Variants in SMARCA4 observed in about 807,000 individuals in gnomAD.
SMARCA4 encodes SWI/SNF related BAF chromatin remodeling complex subunit ATPase 4, also known as SWI/SNF-related matrix-associated actin-dependent regulator of chromatin subfamily A member 4.
A neutral mutation model predicts 193.9 loss-of-function variants in SMARCA4; 31 were observed. The observed-to-expected ratio is 0.16, with a 90% CI of 0.12 to 0.22. The LOEUF (loss-of-function observed/expected upper bound fraction) is 0.22. Ranked by LOEUF, SMARCA4 falls within the 10% of genes least tolerant of loss-of-function variation. The probability of loss-of-function intolerance (pLI) is 1.00; values close to 1 mark genes in which losing one functional copy is unlikely to be tolerated. For synonymous variants in SMARCA4, 942 were observed against 933.1 expected (o/e 1.01, Z -0.17); for missense variants, 1,148 against 2,296.0 (o/e 0.50, Z 10.22).
intron 1 of SMARCA4, among the ~76,000 whole-genome samples, chr19:10,982,530 T>C (rs144688466): frequency 0.039 from 5,901 of 151,760 alleles, 165 homozygotes; most frequent in African/African-American, 0.049. Context: ...GACGGAGTCT[T>C]GCTCTGTCGC....
In SMARCA4 at chr19:10,994,834, C is replaced by T. The variant is rs1600067548; in HGVS notation, c.1426C>T (p.Leu476Phe). ...RKRRQKHQEY[L>F]NSILQHAKDF... ...CTTTTGTGCTTTCCTGCAGGAATAC[C>T]TCAATAGCATTCTCCAGCATGCCAA... Residue 476 changes from leucine to phenylalanine, a missense_variant, in exon 9 of 35, where the codon CTC (leucine) becomes TTC (phenylalanine). Transcript: ENST00000344626. 6.2e-7 allele frequency: 1 copy of T among 1,613,876 alleles called. No homozygotes were observed.
At chr19:10,988,617 C>T (rs766000659) in intron 6 of SMARCA4, among the ~76,000 whole-genome samples, 1 of 152,284 alleles carries the variant, frequency 6.6e-6, no homozygotes, top group South Asian at 2.1e-4. Context: ...GTGCATGGCT[C>T]CTTCTACTCA....
At chr19:11,032,052 C>G (rs1188046382) in intron 25 of SMARCA4, 2 of 152,286 alleles carry the variant, frequency 1.3e-5, no homozygotes, top group South Asian at 2.1e-4. Flanking sequence ...TGCCCAGACC[C>G]TGGTGACCAG....
At position 10,987,675 on chromosome 19, in the gene SMARCA4, C is replaced by T. The variant is rs763054014; in HGVS notation, c.869C>T (p.Ala290Val). ...PPKPWPEGPM[A>V]NAAAPTSTPQ... is the part of the protein sequence containing the mutation. ...CCTTGCCTTCTCCCAGGACCCATGGCGAATGCTGCTGCCCCCACGAGCACC... is the reference window on the plus strand; with the variant it reads ...CCTTGCCTTCTCCCAGGACCCATGGTGAATGCTGCTGCCCCCACGAGCACC... The change falls in exon 6 of 35, where the codon GCG becomes GTG. Residue 290 changes from alanine (A) to valine (V), a missense_variant. By Grantham distance (64) the Ala-to-Val change is moderately conservative. This residue lies in a region of SMARCA4 where 257 missense variants were observed against 276.5 expected (regional missense o/e 0.93). Transcript: ENST00000344626. The surrounding 1 kb of genome is among the most constrained non-coding windows in gnomAD (Gnocchi z 5.3). The T allele has an allele frequency of 7.4e-6, 12 of 1,612,888 alleles. No individual in the cohort carries two copies. The highest frequency in any genetic ancestry group is 2.7e-5 in the African/African-American group (2 of 74,900).
chr19:11,052,309 C>T (rs190091294), intron 30 of SMARCA4, among the ~76,000 whole-genome samples: 1 of 152,088 alleles, frequency 6.6e-6, no homozygotes, highest in African/African-American at 2.4e-5. Context: ...ACCTGTAGTC[C>T]CAGCTTCTTG....
At chr19:11,061,329 G>A (rs550663533) in intron 34 of SMARCA4, among the ~76,000 whole-genome samples, 8 of 150,632 alleles carry the variant, frequency 5.3e-5, no homozygotes, top group African/African-American at 1.7e-4. Context: ...CAGGTGACAT[G>A]GGACAGAGCA....
At chr19:10,996,098 CGGCACCCGCGTGAGCT>C in intron 9 of SMARCA4, 99 bp from the exon 10 acceptor site, 2 of 1,005,492 alleles carry the variant, frequency 2.0e-6, no homozygotes. Context: ...GCTGGTGGCA[CGGCACCCGCGTGAGCT>C]ACGCGTGCCC....
chr19:10,972,222 G>A (rs2084733251), intron 1 of SMARCA4, among the ~76,000 whole-genome samples: 1 of 152,138 alleles, frequency 6.6e-6, no homozygotes, highest in Non-Finnish European at 1.5e-5. Context: ...GCCTCCCAAA[G>A]TGTTGGAATT....
chr19:11,010,678 C>T lies in SMARCA4; in HGVS notation c.2274+147C>T, dbSNP rs560500181. On this transcript the variant is annotated intron_variant, in intron 15 of 34. Coordinates refer to ENST00000344626, the MANE Select transcript of SMARCA4 (RefSeq NM_003072.5). The stretch of plus-strand genomic sequence containing the variant: ...ACTCTTCCCCTCTGAGCCTCGGTTT[C>T]CCCATGTGTAAAGCAGAGATGTGGT... 22 of 800,190 alleles carry T rather than the reference C, an allele frequency of 2.7e-5. 1 individual carries two copies. Among genetic ancestry groups the T allele is most frequent in the African/African-American group, 2.0e-4 (12 of 59,744 alleles). The allele number at this position is 800,190 out of a possible 1,614,324, so 49.6% of individuals were successfully genotyped here. A position where few individuals can be genotyped will look rare whatever the true frequency, so the allele number is the denominator to read the frequency against.
At chr19:11,053,977 A>G (rs1021001332) in intron 30 of SMARCA4, among the ~76,000 whole-genome samples, 12 of 152,222 alleles carry the variant, frequency 7.9e-5, no homozygotes, top group Non-Finnish European at 1.5e-4. Flanking sequence ...TGCATCCAGC[A>G]AAGGACTCCC....
intron 30 of SMARCA4, among the ~76,000 whole-genome samples, chr19:11,046,962 A>AG (rs1360296253): frequency 3.3e-5 from 5 of 151,934 alleles, no homozygotes; most frequent in Non-Finnish European, 5.9e-5. Context: ...AAAAAAAAAA[A>AG]AAAAAGCAAA....
Position 11,041,676 on chromosome 19 carries a change from A to G in SMARCA4, c.4424+116A>G. 1.2e-6 allele frequency: 1 copy of G among 835,470 alleles called. No individual in the cohort carries two copies. Among genetic ancestry groups the G allele is most frequent in the Admixed American group, 2.4e-5 (1 of 41,108 alleles). 51.8% of individuals were successfully genotyped at this position (835,470 alleles called of 1,614,324 possible). ...GGGCCGCTCACTCTTTCACTCATCC[A>G]CAAACACTGACTGAATCTCTGTGTC... On this transcript the variant is annotated intron_variant, in intron 30 of 34. Transcript: ENST00000344626. The surrounding 1 kb of genome is among the most constrained non-coding windows in gnomAD (Gnocchi z 5.6).
At chr19:11,004,805 T>A (rs1348112375) in intron 13 of SMARCA4, among the ~76,000 whole-genome samples, 2 of 151,128 alleles carry the variant, frequency 1.3e-5, no homozygotes, top group Non-Finnish European at 3.0e-5. Context: ...GCCTTTTGTG[T>A]TCAATGTTTT....
chr19:11,046,669 C>T (rs1164793875), intron 30 of SMARCA4, among the ~76,000 whole-genome samples: 1 of 152,116 alleles, frequency 6.6e-6, no homozygotes, highest in Non-Finnish European at 1.5e-5. Flanking sequence ...TGAAAAGCTA[C>T]CTCAGCTGGG....
rs2086024759 is a variant in SMARCA4 at position 10,986,287 on chromosome 19, G to A, written c.454G>A (p.Ala152Thr). The A allele has an allele frequency of 1.2e-6, 2 of 1,613,704 alleles. No homozygotes were observed. Among genetic ancestry groups the A allele is most frequent in the South Asian group, 1.1e-5 (1 of 91,090 alleles). Reference protein sequence around the residue: ...GPQMSSGPGGAPLDGADPQAL... With the variant: ...GPQMSSGPGGTPLDGADPQAL... Reference sequence around the variant, plus strand: ...CCAGATGTCTTCCGGGCCAGGAGGTGCCCCGCTGGATGGTGCTGACCCCCA... The same window carrying A: ...CCAGATGTCTTCCGGGCCAGGAGGTACCCCGCTGGATGGTGCTGACCCCCA... The change falls in exon 4 of 35, where the codon GCC becomes ACC. Residue 152 changes from alanine to threonine, a missense_variant. By Grantham distance (58) the Ala-to-Thr change is moderately conservative. Transcript: ENST00000344626. This position sits in a 1 kb window ranked among gnomAD's most constrained non-coding sequence, Gnocchi z 6.7.
rs1213473194 is a variant in SMARCA4, at chr19:10,987,881, C to T, written c.1075C>T (p.Arg359Trp). 10 of 1,612,920 alleles carry T rather than the reference C, an allele frequency of 6.2e-6. No homozygotes were observed. Among genetic ancestry groups the T allele is most frequent in the African/African-American group, 2.7e-5 (2 of 74,922 alleles). ...QSRITPIQKP[R>W]GLDPVEILQE... Reference sequence around the variant, plus strand: ...CCGCATCACCCCCATCCAGAAGCCGCGGGGCCTCGACCCTGTGGAGATCCT... The same window carrying T: ...CCGCATCACCCCCATCCAGAAGCCGTGGGGCCTCGACCCTGTGGAGATCCT... Residue 359 changes from arginine (R) to tryptophan (W), a missense_variant, in exon 6 of 35, where the codon CGG (arginine) becomes TGG (tryptophan). Physicochemically the swap from Arg to Trp is moderately radical, Grantham distance 101 (BLOSUM62 -3). This residue lies in a region of SMARCA4 where 257 missense variants were observed against 276.5 expected (regional missense o/e 0.93). Coordinates refer to ENST00000344626, the MANE Select transcript of SMARCA4 (RefSeq NM_003072.5). The surrounding 1 kb of genome is among the most constrained non-coding windows in gnomAD (Gnocchi z 5.3).
intron 1 of SMARCA4, among the ~76,000 whole-genome samples, chr19:10,977,332 TG>T (rs1348909691): frequency 2.6e-5 from 4 of 152,018 alleles, no homozygotes; most frequent in Non-Finnish European, 4.4e-5. Flanking sequence ...GTTTTGTTTT[TG>T]TTTTTTTTGA....
chr19:10,990,081 C>T (rs2086421789), intron 7 of SMARCA4, among the ~76,000 whole-genome samples: 1 of 152,124 alleles, frequency 6.6e-6, no homozygotes, highest in Non-Finnish European at 1.5e-5. Flanking sequence ...ACTTGACCTC[C>T]CAGGCTCATG....
intron 19 of SMARCA4, among the ~76,000 whole-genome samples, chr19:11,023,181 G>A (rs375393478): frequency 1.8e-4 from 28 of 152,180 alleles, no homozygotes; most frequent in Admixed American, 1.8e-3. Context: ...CGTGGGGTGG[G>A]TCTGTGGACA....
Sources: gnomAD v4.1 joint callset for allele counts (sites outside exome capture counted in the v4.1 genomes callset) on GRCh38, gnomAD v4.1.1 for gene constraint, gnomAD v4.1.1 regional missense constraint, Gnocchi (gnomAD v3.1) non-coding constraint, MANE v1.5 for transcripts, NCBI Gene and HGNC (gene_info 2026-07-23, HGNC 2026-07-21) for gene names.